SLC19A1: variants seen among roughly 807,000 people sequenced by gnomAD.
SLC19A1 encodes the protein solute carrier family 19 member 1.
In SLC19A1, 37 loss-of-function variants were observed where a neutral mutation model predicts 35.3. The observed-to-expected ratio is 1.05, with a 90% CI of 0.81 to 1.38. The LOEUF is 1.38. Among genes scored for constraint, SLC19A1 ranks in the 40% most tolerant of loss-of-function variants. The pLI is 0.00. For missense variants in SLC19A1, 831 were observed against 826.9 expected, an observed-to-expected ratio of 1.00 and a Z score of -0.06; for synonymous variants, 460 against 398.5, an observed-to-expected ratio of 1.15 and a Z score of -1.84.
downstream of SLC19A1, among the ~76,000 whole-genome samples, chr21:45,510,824 G>A (rs920139429): frequency 3.3e-5 from 5 of 152,164 alleles, no homozygotes; most frequent in African/African-American, 9.7e-5. Context: ...AGGGTCCCCT[G>A]CCTTAGCCAA....
chr21:45,538,889 G>A (rs1049248417), intron 1 of SLC19A1, among the ~76,000 whole-genome samples: 2 of 152,120 alleles, frequency 1.3e-5, no homozygotes, highest in Non-Finnish European at 2.9e-5. Flanking sequence ...CAGCACCCCC[G>A]CCCCACACGG....
At chr21:45,506,995 TCC>T in intron 3 of SLC19A1, 1 of 287,084 alleles carries the variant, frequency 3.5e-6, no homozygotes, top group South Asian at 3.2e-5. Context: ...TGCAGCCCCA[TCC>T]TAACTTTCAG....
chr21:45,511,116 G>A (rs1447453546), downstream of SLC19A1: 6 of 1,566,142 alleles, frequency 3.8e-6, no homozygotes, highest in Non-Finnish European at 5.2e-6. Context: ...TCCAGGACGA[G>A]CTGCTGTTTC....
intron 3 of SLC19A1, chr21:45,506,968 G>GAT: frequency 3.7e-6 from 1 of 270,706 alleles, no homozygotes; most frequent in South Asian, 3.6e-5. Context: ...TGCCAGGTGT[G>GAT]CTTGTAGGCA....
At chr21:45,504,282 T>A in intron 3 of SLC19A1, 1 of 966,426 alleles carries the variant, frequency 1.0e-6, no homozygotes, top group South Asian at 1.6e-5. Flanking sequence ...CGAGCCCTAT[T>A]CTATGCAGCC....
intron 4 of SLC19A1, among the ~76,000 whole-genome samples, chr21:45,528,661 T>C (rs191466906): frequency 8.5e-4 from 130 of 152,324 alleles, no homozygotes; most frequent in African/African-American, 2.9e-3. Flanking sequence ...AGGGTCATTA[T>C]TAGAATTTGG....
intron 2 of SLC19A1, among the ~76,000 whole-genome samples, chr21:45,532,974 AAG>A (rs1170868484): frequency 6.6e-6 from 1 of 152,196 alleles, no homozygotes; most frequent in Non-Finnish European, 1.5e-5. Context: ...AAGAAGGGGA[AAG>A]AGAGGAAGTG....
chr21:45,545,742 C>T (rs892536904), upstream of SLC19A1, among the ~76,000 whole-genome samples: 3 of 152,178 alleles, frequency 2.0e-5, no homozygotes, highest in African/African-American at 4.8e-5. Flanking sequence ...GGGCGCGGAC[C>T]GGCCTGCCAT....
In SLC19A1 at chr21:45,532,057, G is replaced by A. The variant is rs747708408; in HGVS notation, c.281C>T (p.Pro94Leu). ...GCTGAGCCCCTGCAGCAGCAGCACC[G>A]GCGTGTAGCGCAGGTAGTCGGTGAG... ...FLLTDYLRYT[P>L]VLLLQGLSFV... The change falls in exon 3 of 6, where the codon CCG becomes CTG. Residue 94 changes from proline to leucine, a missense_variant. By Grantham distance (98) the Pro-to-Leu change is moderately conservative (BLOSUM62 -3). Coordinates refer to ENST00000311124, the MANE Select transcript of SLC19A1 (RefSeq NM_194255.4). The A allele has an allele frequency of 6.2e-6, 10 of 1,612,352 alleles. No individual in the cohort carries two copies. Among genetic ancestry groups the A allele is most frequent in the Non-Finnish European group, 8.5e-6 (10 of 1,179,770 alleles).
downstream of SLC19A1, chr21:45,509,362 G>GAAGTGGC: frequency 1.9e-6 from 3 of 1,545,968 alleles, no homozygotes; most frequent in Non-Finnish European, 2.6e-6. Context: ...GCAGGACAAT[G>GAAGTGGC]AAGTGGCCGC....
At chr21:45,546,742 T>C (rs1446689704), upstream of SLC19A1, among the ~76,000 whole-genome samples, 1 of 152,256 alleles carries the variant, frequency 6.6e-6, no homozygotes, top group Non-Finnish European at 1.5e-5. Flanking sequence ...AAGCCTACAC[T>C]GCCTGGTCCT....
chr21:45,525,558 C>T (rs2077579875), intron 5 of SLC19A1, among the ~76,000 whole-genome samples: 1 of 152,238 alleles, frequency 6.6e-6, no homozygotes, highest in Admixed American at 6.5e-5. Context: ...GACAGCTCCG[C>T]CGTGGCGAGC....
chr21:45,512,360 C>T, downstream of SLC19A1: 3 of 1,612,814 alleles, frequency 1.9e-6, no homozygotes, highest in Non-Finnish European at 2.5e-6. Context: ...CTACATCGTG[C>T]TCTGCATTGA....
Position 45,516,058 on chromosome 21 carries a change from T to C in SLC19A1, c.1376A>G (p.Gln459Arg), listed in dbSNP as rs1163422640. ...GGGCTGCCGCGGGTGGTGGCCCCGC[T>C]GGCAGTGCCGCAGGCCATCCAGCAT... ...GAMLDGLRHC[Q>R]RGHHPRQPPA... The change falls in exon 6 of 6, where the codon CAG becomes CGG. Residue 459 changes from glutamine (Q) to arginine (R), a missense_variant. By Grantham distance (43) the Gln-to-Arg change is conservative. Coordinates refer to ENST00000311124, the MANE Select transcript of SLC19A1 (RefSeq NM_194255.4). 1.9e-6 allele frequency: 3 copies of C among 1,589,192 alleles called. No individual in the cohort carries two copies. The highest frequency in any genetic ancestry group is 1.7e-4 in the Middle Eastern group (1 of 6,022).
rs2038047625 is a variant in SLC19A1, at chr21:45,517,844, CA to C, written c.1294-1705del. Among the ~76,000 whole-genome samples the C allele has an allele frequency of 6.6e-6, 1 of 152,184 alleles. No individual in the cohort carries two copies. Among genetic ancestry groups the C allele is most frequent in the African/African-American group, 2.4e-5 (1 of 41,440 alleles). On this transcript the variant is annotated intron_variant, in intron 5 of 5. Transcript: ENST00000311124. The surrounding 1 kb of genome is among the most constrained non-coding windows in gnomAD (Gnocchi z 4.4). ...GCCACCCACCCTCCCTCAGGTGTCACAAAGGCTGAGTGAGAGCCTGGACTTC... is the reference window on the plus strand; with the variant it reads ...GCCACCCACCCTCCCTCAGGTGTCACAAGGCTGAGTGAGAGCCTGGACTTC...
At chr21:45,516,759 C>T (rs539095717) in intron 5 of SLC19A1, among the ~76,000 whole-genome samples, 7 of 152,278 alleles carry the variant, frequency 4.6e-5, no homozygotes, top group East Asian at 1.9e-4. Context: ...TGATCATTCC[C>T]GGAGGTGCAG....
At chr21:45,556,821 G>GCC (rs1306585950) in intron 1 of SLC19A1, among the ~76,000 whole-genome samples, 1 of 152,194 alleles carries the variant, frequency 6.6e-6, no homozygotes, top group East Asian at 1.9e-4. Flanking sequence ...GTGGAGGGTG[G>GCC]CATGGGAGTC....
In SLC19A1 at chr21:45,514,953, G is replaced by A. The variant is rs2037812645; in HGVS notation, c.*705C>T. 4 of 1,464,892 alleles carry A rather than the reference G, an allele frequency of 2.7e-6. No individual in the cohort carries two copies. Among genetic ancestry groups the A allele is most frequent in the Admixed American group, 2.9e-5 (1 of 34,340 alleles). The allele number at this position is 1,464,892 out of a possible 1,614,324, so 90.7% of individuals were successfully genotyped here. A position where few individuals can be genotyped will look rare whatever the true frequency, so the allele number is the denominator to read the frequency against. On this transcript the variant is annotated 3_prime_UTR_variant, in exon 6 of 6. Transcript: ENST00000311124. ...GTCCCCTCCGGGCTGGCACAAGTGT[G>A]GGAGCAGCTGAGGACCCGCAGGTCA...
At chr21:45,505,373 G>A in intron 3 of SLC19A1, 1 of 1,594,500 alleles carries the variant, frequency 6.3e-7, no homozygotes, top group Non-Finnish European at 8.6e-7. Flanking sequence ...AGCGTTCCCG[G>A]CCCTCCGGGC....
Sources: allele counts gnomAD v4.1 joint callset (sites outside exome capture counted in the v4.1 genomes callset), GRCh38; gene constraint gnomAD v4.1.1; non-coding constraint Gnocchi (gnomAD v3.1); transcripts MANE v1.5; gene names NCBI Gene and HGNC (gene_info 2026-07-23, HGNC 2026-07-21).